ASIC2: variants seen among roughly 807,000 people sequenced by gnomAD.
ASIC2 encodes acid-sensing ion channel 2.
A neutral mutation model predicts 57.3 loss-of-function variants in ASIC2; 25 were observed. That is an observed-to-expected ratio of 0.44 (90% CI 0.32 to 0.61). The LOEUF (loss-of-function observed/expected upper bound fraction) is 0.61. ASIC2 is among the 20% of genes least tolerant of loss of function. The probability of loss-of-function intolerance (pLI) is 0.06; values close to 1 mark genes in which losing one functional copy is unlikely to be tolerated. For missense variants in ASIC2, 641 were observed against 738.1 expected (o/e 0.87, Z 1.52); for synonymous variants, 319 against 307.5 (o/e 1.04, Z -0.39).
At chr17:33,344,325 T>C (rs1379939815) in intron 1 of ASIC2, among the ~76,000 whole-genome samples, 2 of 152,118 alleles carry the variant, frequency 1.3e-5, no homozygotes, top group Non-Finnish European at 1.5e-5. Flanking sequence ...CGTACAGATT[T>C]GGAAAATGAA....
At chr17:33,098,201 T>A (rs950057610) in intron 2 of ASIC2, among the ~76,000 whole-genome samples, 1 of 152,154 alleles carries the variant, frequency 6.6e-6, no homozygotes, top group African/African-American at 2.4e-5. Context: ...CATTTTAATC[T>A]CCTGCAAAAT....
chr17:33,317,974 A>G (rs1402490856), intron 1 of ASIC2, among the ~76,000 whole-genome samples: 1 of 151,736 alleles, frequency 6.6e-6, no homozygotes, highest in Non-Finnish European at 1.5e-5. Flanking sequence ...AGGAGAAAAG[A>G]TTGAGAAGCT....
At chr17:33,583,845 A>G (rs1904526426) in intron 1 of ASIC2, among the ~76,000 whole-genome samples, 1 of 152,182 alleles carries the variant, frequency 6.6e-6, no homozygotes, top group Non-Finnish European at 1.5e-5. Flanking sequence ...GCAATTAAGA[A>G]TAAACTGCAT....
At chr17:33,576,112 T>C (rs1916612842) in intron 1 of ASIC2, among the ~76,000 whole-genome samples, 2 of 152,190 alleles carry the variant, frequency 1.3e-5, no homozygotes. Flanking sequence ...CTCTACCTTT[T>C]CTTAGAAGTC....
intron 1 of ASIC2, among the ~76,000 whole-genome samples, chr17:33,625,455 C>T (rs1905954870): frequency 6.6e-6 from 1 of 152,188 alleles, no homozygotes; most frequent in African/African-American, 2.4e-5. Context: ...AACCAACAGC[C>T]TAACTGTAAC....
chr17:33,125,599 C>G (rs937769785), intron 1 of ASIC2, among the ~76,000 whole-genome samples: 1 of 152,152 alleles, frequency 6.6e-6, no homozygotes, highest in Admixed American at 6.5e-5. Flanking sequence ...GACATGGACA[C>G]CAACCTCAGG....
At chr17:33,677,235 G>A (rs1275371383) in intron 1 of ASIC2, among the ~76,000 whole-genome samples, 1 of 152,178 alleles carries the variant, frequency 6.6e-6, no homozygotes, top group African/African-American at 2.4e-5. Flanking sequence ...GACTTTCATA[G>A]CTAGAGAGAA....
chr17:33,949,558 C>A (rs2030415500), intron 1 of ASIC2, among the ~76,000 whole-genome samples: 1 of 152,116 alleles, frequency 6.6e-6, no homozygotes, highest in African/African-American at 2.4e-5. Context: ...TTATTTTATT[C>A]CAAGGAATCA....
chr17:33,456,177 T>C (rs546750011), intron 1 of ASIC2, among the ~76,000 whole-genome samples: 11 of 152,360 alleles, frequency 7.2e-5, no homozygotes, highest in African/African-American at 2.2e-4. Flanking sequence ...TTTTTGGTGC[T>C]CTTCTCTGCT....
chr17:33,934,479 A>G (rs1230995301), intron 1 of ASIC2, among the ~76,000 whole-genome samples: 1 of 152,170 alleles, frequency 6.6e-6, no homozygotes, highest in Non-Finnish European at 1.5e-5. Context: ...AAAGGCTGAC[A>G]AGTCCACAAG....
At chr17:33,849,466 A>G (rs895791248) in intron 1 of ASIC2, among the ~76,000 whole-genome samples, 2 of 152,168 alleles carry the variant, frequency 1.3e-5, no homozygotes, top group African/African-American at 2.4e-5. Flanking sequence ...GTAAGTGACT[A>G]AACCAGGATC....
intron 3 of ASIC2, among the ~76,000 whole-genome samples, chr17:33,086,024 G>C (rs370052426): frequency 2.0e-5 from 3 of 152,114 alleles, no homozygotes; most frequent in African/African-American, 7.2e-5. Flanking sequence ...TCCGAAGCTG[G>C]GAATATGTTC....
intron 1 of ASIC2, among the ~76,000 whole-genome samples, chr17:34,049,615 C>T (rs1908471429): frequency 6.6e-6 from 1 of 152,160 alleles, no homozygotes; most frequent in Admixed American, 6.5e-5. Context: ...CAGTCAGATC[C>T]AATGGTCATG....
In ASIC2 at chr17:33,223,125, A is replaced by C. The variant is rs557248741; in HGVS notation, c.708+68283T>G. 2.0e-5 allele frequency among the ~76,000 whole-genome samples: 3 copies of C among 152,224 alleles called. No individual in the cohort carries two copies. In the South Asian group the frequency reaches 6.2e-4, roughly 32 times the overall value. On this transcript the variant is annotated intron_variant, in intron 1 of 9. Transcript: ENST00000225823. Reference sequence around the variant, plus strand: ...TGCCAACCTGTTCTCACAGAACTGAACCAAAACACAGACAACCATCTCCTT... The same window carrying C: ...TGCCAACCTGTTCTCACAGAACTGACCCAAAACACAGACAACCATCTCCTT...
intron 1 of ASIC2, among the ~76,000 whole-genome samples, chr17:33,183,192 T>C (rs1444344274): frequency 2.0e-5 from 3 of 152,212 alleles, no homozygotes; most frequent in Non-Finnish European, 4.4e-5. Flanking sequence ...TCTAAAAGTA[T>C]TGGTCTCACA....
At chr17:34,068,264 G>T (rs139798014) in intron 1 of ASIC2, among the ~76,000 whole-genome samples, 2,483 of 152,304 alleles carry the variant, frequency 0.016, 26 homozygotes, top group Middle Eastern at 0.061. Flanking sequence ...GGAAGGGAAT[G>T]AGAGAAGGGG....
intron 1 of ASIC2, among the ~76,000 whole-genome samples, chr17:33,363,736 G>A (rs1385478479): frequency 6.6e-6 from 1 of 152,196 alleles, no homozygotes; most frequent in African/African-American, 2.4e-5. Context: ...CGGCAACAGG[G>A]GAGCAGTGGT....
chr17:33,762,490 G>A (rs1439416571), intron 1 of ASIC2, among the ~76,000 whole-genome samples: 1 of 152,126 alleles, frequency 6.6e-6, no homozygotes, highest in Non-Finnish European at 1.5e-5. Context: ...GAAACATGAT[G>A]ACCAGACCAT....
intron 1 of ASIC2, among the ~76,000 whole-genome samples, chr17:33,310,338 T>A (rs1158810633): frequency 1.3e-5 from 2 of 152,132 alleles, no homozygotes; most frequent in East Asian, 3.9e-4. Flanking sequence ...AGGTCCCTCA[T>A]CTTTAAGATG....
Sources: allele counts gnomAD v4.1 joint callset (sites outside exome capture counted in the v4.1 genomes callset), GRCh38; gene constraint gnomAD v4.1.1; transcripts MANE v1.5; gene names NCBI Gene and HGNC (gene_info 2026-07-23, HGNC 2026-07-21).